PARP16: variants seen among roughly 807,000 people sequenced by gnomAD.
PARP16 encodes protein mono-ADP-ribosyltransferase PARP16.
Under a neutral mutation model 35.0 loss-of-function variants are expected in PARP16, and 31 were observed. The observed-to-expected ratio is 0.88, with a 90% CI of 0.66 to 1.19. The LOEUF is 1.19. PARP16 is among the 50% of genes most tolerant of loss of function. The probability of loss-of-function intolerance (pLI) is 0.00; values close to 1 mark genes in which losing one functional copy is unlikely to be tolerated. For synonymous variants in PARP16, 162 were observed against 169.5 expected (o/e 0.96, Z 0.34); for missense variants, 424 against 411.2 (o/e 1.03, Z -0.27).
intron 1 of PARP16, chr15:65,282,540 G>A (rs1291289381): frequency 2.0e-5 from 3 of 152,212 alleles, no homozygotes; most frequent in Non-Finnish European, 4.4e-5. Flanking sequence ...ATGGTGCCAG[G>A]CCCCACCTGT....
chr15:65,266,893 A>G (rs950311134), intron 2 of PARP16, 125 bp from the exon 3 acceptor site: 16 of 691,208 alleles, frequency 2.3e-5, no homozygotes, highest in African/African-American at 2.0e-4. Flanking sequence ...AGGTTTCATG[A>G]GGATAGAGAC....
intron 3 of PARP16, among the ~76,000 whole-genome samples, chr15:65,263,883 CT>C (rs1432145543): frequency 6.6e-6 from 1 of 152,056 alleles, no homozygotes; most frequent in Non-Finnish European, 1.5e-5. Context: ...CTCTGATGGG[CT>C]TCAAATGCAA....
chr15:65,283,765 C>A (rs1340488253), intron 1 of PARP16, among the ~76,000 whole-genome samples: 1 of 152,150 alleles, frequency 6.6e-6, no homozygotes, highest in Non-Finnish European at 1.5e-5. Flanking sequence ...ACGGGTTAAT[C>A]CTGTATCCTT....
At chr15:65,285,746 C>CA (rs1346543872) in intron 1 of PARP16, among the ~76,000 whole-genome samples, 1 of 152,008 alleles carries the variant, frequency 6.6e-6, no homozygotes, top group Non-Finnish European at 1.5e-5. Flanking sequence ...GTGAACTCTG[C>CA]AAAAAAAGTG....
chr15:65,286,510 G>A lies in PARP16; in HGVS notation c.-84C>T. The A allele has an allele frequency of 9.1e-7, 1 of 1,100,322 alleles. No homozygotes were observed. 68.2% of individuals were successfully genotyped at this position (1,100,322 alleles called of 1,614,324 possible). Reference sequence around the variant, plus strand: ...CGTTCAGCGCGGGGGCTGGGCCCGCGGACAATGGGCCGTCAGGGGCCGGGT... The same window carrying A: ...CGTTCAGCGCGGGGGCTGGGCCCGCAGACAATGGGCCGTCAGGGGCCGGGT... On this transcript the variant is annotated 5_prime_UTR_variant, in exon 1 of 6. Transcript: ENST00000649807.
chr15:65,248,653 G>C (rs988608476), intron 2 of PARP16, among the ~76,000 whole-genome samples: 2 of 152,308 alleles, frequency 1.3e-5, no homozygotes, highest in Admixed American at 1.3e-4. Context: ...GCCCAAAACA[G>C]ACTGGGAGTG....
downstream of PARP16, among the ~76,000 whole-genome samples, chr15:65,232,594 G>C (rs1264307879): frequency 1.3e-5 from 2 of 152,080 alleles, no homozygotes; most frequent in African/African-American, 4.8e-5. Context: ...TCAAGTTCAA[G>C]TTTACTGAGT....
chr15:65,254,266 C>T (rs1166865431), downstream of PARP16, among the ~76,000 whole-genome samples: 1 of 152,184 alleles, frequency 6.6e-6, no homozygotes, highest in East Asian at 1.9e-4. Flanking sequence ...TCCAGGTGGA[C>T]AAGGGCACCA....
At chr15:65,246,160 A>C (rs1361150784) in intron 3 of PARP16, among the ~76,000 whole-genome samples, 46 of 152,080 alleles carry the variant, frequency 3.0e-4, no homozygotes, top group Non-Finnish European at 2.9e-5. Flanking sequence ...GAATTTCCCA[A>C]CTCAGCAACC....
downstream of PARP16, among the ~76,000 whole-genome samples, chr15:65,256,357 C>G (rs1236886104): frequency 1.3e-5 from 2 of 151,372 alleles, no homozygotes; most frequent in African/African-American, 4.9e-5. Flanking sequence ...AAAACCGTAT[C>G]TCATCATTTT....
At chr15:65,260,473 G>A (rs1356182629) in intron 5 of PARP16, among the ~76,000 whole-genome samples, 1 of 152,174 alleles carries the variant, frequency 6.6e-6, no homozygotes, top group Non-Finnish European at 1.5e-5. Flanking sequence ...GCAGTCAGTG[G>A]TTCAGCAGCC....
rs539559717 is a variant in PARP16 at position 65,252,254 on chromosome 15, G to T, written c.203-4026C>A. Among the ~76,000 whole-genome samples, 3 of 152,300 alleles carry T rather than the reference G, an allele frequency of 2.0e-5. No individual in the cohort carries two copies. The East Asian group carries it at 5.8e-4, about 29-fold the overall frequency. On this transcript the variant is annotated intron_variant and NMD_transcript_variant, in intron 2 of 3. Transcript: ENST00000559805. ...GAAGTTGAGGTATGGTACCAGGAAG[G>T]TGAATGAACCCTGGGTGACAAGAAC...
intron 2 of PARP16, among the ~76,000 whole-genome samples, chr15:65,268,143 C>T (rs1371649571): frequency 6.6e-6 from 1 of 152,174 alleles, no homozygotes; most frequent in Non-Finnish European, 1.5e-5. Flanking sequence ...AAAGATGGAA[C>T]CTACTTCTCC....
downstream of PARP16, among the ~76,000 whole-genome samples, chr15:65,233,820 C>T (rs906512659): frequency 6.6e-6 from 1 of 151,648 alleles, no homozygotes; most frequent in South Asian, 2.1e-4. Context: ...GTCCAAAAGG[C>T]AAAAGTCAGT....
intron 3 of PARP16, among the ~76,000 whole-genome samples, chr15:65,265,910 A>AT (rs1466312571): frequency 6.6e-6 from 1 of 151,978 alleles, no homozygotes; most frequent in Non-Finnish European, 1.5e-5. Context: ...GGCATCTGGG[A>AT]TTTTTTATTA....
At chr15:65,268,082 C>T (rs1468468631) in intron 2 of PARP16, among the ~76,000 whole-genome samples, 1 of 152,174 alleles carries the variant, frequency 6.6e-6, no homozygotes, top group African/African-American at 2.4e-5. Context: ...CTTGTCCATG[C>T]ACCCCTCTGC....
chr15:65,265,754 C>T lies in PARP16; in HGVS notation c.519+808G>A, dbSNP rs114321222. ...TGAGATTCGCATTTCCAGCGAGCTA[C>T]CAGGTGATGCAGACGCTGCTGGTCC... On this transcript the variant is annotated intron_variant, in intron 3 of 5. Coordinates refer to ENST00000649807, the MANE Select transcript of PARP16 (RefSeq NM_001316943.2). Among the ~76,000 whole-genome samples, 180 of 152,218 alleles carry T rather than the reference C, an allele frequency of 1.2e-3. 1 individual carries two copies. The highest frequency in any genetic ancestry group is 4.1e-3 in the African/African-American group (172 of 41,510).
intron 1 of PARP16, among the ~76,000 whole-genome samples, chr15:65,286,026 GGA>G (rs1567044108): frequency 6.6e-6 from 1 of 152,216 alleles, no homozygotes; most frequent in African/African-American, 2.4e-5. Context: ...GTCATTGACA[GGA>G]GAGAAGCAGC....
rs893217362 is a variant in PARP16, at chr15:65,286,735, G to A, written c.-309C>T. 4 of 376,586 alleles carry A rather than the reference G, an allele frequency of 1.1e-5. No homozygotes were observed. Among genetic ancestry groups the A allele is most frequent in the Non-Finnish European group, 1.9e-5 (4 of 208,366 alleles). 23.3% of individuals were successfully genotyped at this position (376,586 alleles called of 1,614,324 possible). A position where few individuals can be genotyped will look rare whatever the true frequency, so the allele number is the denominator to read the frequency against. ...GGGGGGGAGGGGTTCCCGGCCTAGGGGAAGGGCTATGACAATGGAATGACA... is the reference window on the plus strand; with the variant it reads ...GGGGGGGAGGGGTTCCCGGCCTAGGAGAAGGGCTATGACAATGGAATGACA... On this transcript the variant is annotated 5_prime_UTR_variant, in exon 1 of 6. Transcript: ENST00000649807.
Sources: allele counts gnomAD v4.1 joint callset (sites outside exome capture counted in the v4.1 genomes callset), GRCh38; gene constraint gnomAD v4.1.1; transcripts MANE v1.5; gene names NCBI Gene and HGNC (gene_info 2026-07-23, HGNC 2026-07-21).